TECPR1: variants seen among roughly 807,000 people sequenced by gnomAD.
TECPR1 encodes the protein tectonin beta-propeller repeat-containing protein 1.
In TECPR1, 122 loss-of-function variants were observed where a neutral mutation model predicts 162.4. That is an observed-to-expected ratio of 0.75 (90% CI 0.65 to 0.87). The LOEUF (loss-of-function observed/expected upper bound fraction) is 0.87. Ranked by LOEUF, TECPR1 falls within the 40% of genes least tolerant of loss-of-function variation. TECPR1 has a pLI of 0.00. For synonymous variants in TECPR1, 642 were observed against 670.6 expected (o/e 0.96, Z 0.66); for missense variants, 1,432 against 1,618.2 (o/e 0.88, Z 1.97).
chr7:98,233,062 C>T lies in TECPR1; in HGVS notation c.1673-90G>A, dbSNP rs958826626. The T allele has an allele frequency of 5.6e-6, 8 of 1,428,238 alleles. No homozygotes were observed. In the African/African-American group the frequency reaches 5.7e-5, roughly 10 times the overall value. The allele number at this position is 1,428,238 out of a possible 1,614,324, so 88.5% of individuals were successfully genotyped here. A position where few individuals can be genotyped will look rare whatever the true frequency, so the allele number is the denominator to read the frequency against. The stretch of plus-strand genomic sequence containing the variant: ...GGCGCTCCCCTCCACCAAATCAGCC[C>T]TTTCTAGCTCAAAAGCTACGCTCTC... On this transcript the variant is annotated intron_variant, in intron 11 of 25. Transcript: ENST00000447648.
chr7:98,219,457 G>A (rs899873700), intron 23 of TECPR1, among the ~76,000 whole-genome samples: 1 of 152,142 alleles, frequency 6.6e-6, no homozygotes, highest in Admixed American at 6.5e-5. Flanking sequence ...AAACCCACAG[G>A]ATAGGAGGAA....
At chr7:98,233,103 C>A in intron 11 of TECPR1, 131 bp from the exon 12 acceptor site, 1 of 1,150,326 alleles carries the variant, frequency 8.7e-7, no homozygotes, top group Non-Finnish European at 1.2e-6. Flanking sequence ...AGCCTCCTTC[C>A]ACCCTTTGCC....
chr7:98,226,550 T>C, intron 17 of TECPR1: 1 of 1,039,328 alleles, frequency 9.6e-7, no homozygotes, highest in Non-Finnish European at 1.2e-6. Flanking sequence ...CTAATTGCAG[T>C]TGCTGTCTTT....
rs1357954176 is a variant in TECPR1 at position 98,229,012 on chromosome 7, T to TC, written c.2410+26dup. ...TAGAGGAAAGAACGCCCAGGAAGGCTCCGGGGGGGCTGTGGGCCGCCCTCA... is the reference window on the plus strand; with the variant it reads ...TAGAGGAAAGAACGCCCAGGAAGGCTCCCGGGGGGGCTGTGGGCCGCCCTCA... On this transcript the variant is annotated intron_variant, in intron 16 of 25. Transcript: ENST00000447648. The TC allele has an allele frequency of 3.8e-6, 6 of 1,595,292 alleles. No homozygotes were observed. In the Admixed American group the frequency reaches 1.0e-4, roughly 27 times the overall value.
At position 98,216,447 on chromosome 7, in the gene TECPR1, G is replaced by C. The variant is rs1798009500; in HGVS notation, c.*943C>G. On this transcript the variant is annotated 3_prime_UTR_variant, in exon 26 of 26. Transcript: ENST00000447648. Reference sequence around the variant, plus strand: ...CACACGGACACTGCCTCCAGCCATGGGGCAGCCTCTCATCCTCTCCCAGCC... The same window carrying C: ...CACACGGACACTGCCTCCAGCCATGCGGCAGCCTCTCATCCTCTCCCAGCC... The C allele has an allele frequency of 6.6e-6, 1 of 152,278 alleles. No homozygotes were observed. Among genetic ancestry groups the C allele is most frequent in the South Asian group, 2.1e-4 (1 of 4,830 alleles). The allele number at this position is 152,278 out of a possible 1,614,324, so 9.4% of individuals were successfully genotyped here.
At chr7:98,239,336 C>T (rs1211193966) in intron 8 of TECPR1, among the ~76,000 whole-genome samples, 2 of 151,806 alleles carry the variant, frequency 1.3e-5, no homozygotes, top group Admixed American at 6.6e-5. Context: ...GGATCACCTG[C>T]GGTCAGGAGT....
intron 17 of TECPR1, among the ~76,000 whole-genome samples, chr7:98,225,747 G>A (rs1798266998): frequency 6.6e-6 from 1 of 152,008 alleles, no homozygotes; most frequent in Admixed American, 6.6e-5. Context: ...TCGAATTCCT[G>A]GGCTCAATTG....
chr7:98,216,947 G>C lies in TECPR1; in HGVS notation c.*443C>G, dbSNP rs1798025798. On this transcript the variant is annotated 3_prime_UTR_variant, in exon 26 of 26. Coordinates refer to ENST00000447648, the MANE Select transcript of TECPR1 (RefSeq NM_015395.3). ...ACTGCACATGGTAAAGAGGCCCTGA[G>C]CCCCATGGCCATCTCTCTTGGTGAG... 5.9e-6 allele frequency: 1 copy of C among 169,708 alleles called. No homozygotes were observed. Among genetic ancestry groups the C allele is most frequent in the African/African-American group, 2.4e-5 (1 of 41,864 alleles). 10.5% of individuals were successfully genotyped at this position (169,708 alleles called of 1,614,324 possible). A position where few individuals can be genotyped will look rare whatever the true frequency, so the allele number is the denominator to read the frequency against.
chr7:98,219,279 C>G (rs553939973), intron 23 of TECPR1, among the ~76,000 whole-genome samples: 2 of 152,050 alleles, frequency 1.3e-5, no homozygotes, highest in Non-Finnish European at 1.5e-5. Flanking sequence ...TAAAACCATA[C>G]AAATTCTATA....
rs375538406 is a variant in TECPR1 at position 98,231,103 on chromosome 7, G to C, written c.2140C>G (p.Leu714Val). 8 of 1,601,060 alleles carry C rather than the reference G, an allele frequency of 5.0e-6. No individual in the cohort carries two copies. In the African/African-American group the frequency reaches 9.4e-5, roughly 19 times the overall value. The change falls in exon 15 of 26, where the codon CTG becomes GTG. Residue 714 changes from leucine to valine, a missense_variant. By Grantham distance (32) the Leu-to-Val change is conservative. Transcript: ENST00000447648. ...ACCTTCCGGCTCTCGCAGCAAGACA[G>C]GCTGAGCAGGGCGAGCTGGTGTGGC... is the stretch of plus-strand genomic sequence containing the variant. ...DMNDWLALLS[L>V]SCCESRKVQG... is the part of the protein sequence containing the mutation.
intron 21 of TECPR1, 87 bp from the exon 22 acceptor site, chr7:98,222,608 G>T (rs752502895): frequency 1.8e-5 from 26 of 1,470,860 alleles, no homozygotes; most frequent in Non-Finnish European, 2.2e-5. Context: ...TGGGCCTAGC[G>T]CGTGGGCAGC....
rs892990120 is a variant in TECPR1, at chr7:98,215,352, A to C, written c.*2038T>G. 6.6e-6 allele frequency: 1 copy of C among 152,256 alleles called. No homozygotes were observed. Among genetic ancestry groups the C allele is most frequent in the African/African-American group, 2.4e-5 (1 of 41,466 alleles). The allele number at this position is 152,256 out of a possible 1,614,324, so 9.4% of individuals were successfully genotyped here. A position where few individuals can be genotyped will look rare whatever the true frequency, so the allele number is the denominator to read the frequency against. On this transcript the variant is annotated 3_prime_UTR_variant, in exon 26 of 26. Transcript: ENST00000447648. ...GCTGAAAATGTTTCTCAAATGACCCAAATTGGCTCTTATTTTTTCTAATGG... is the reference window on the plus strand; with the variant it reads ...GCTGAAAATGTTTCTCAAATGACCCCAATTGGCTCTTATTTTTTCTAATGG...
intron 15 of TECPR1, among the ~76,000 whole-genome samples, chr7:98,230,662 A>G (rs1414361388): frequency 6.6e-6 from 1 of 151,924 alleles, no homozygotes; most frequent in African/African-American, 2.4e-5. Flanking sequence ...TACAGCCTGG[A>G]AGCCCCCTGG....
chr7:98,245,894 C>T (rs758000080), intron 3 of TECPR1, 28 bp downstream of exon 3: 10 of 1,563,674 alleles, frequency 6.4e-6, no homozygotes, highest in Non-Finnish European at 7.8e-6. Context: ...CTGACCCGCT[C>T]GGCAACTCCA....
At chr7:98,238,686 A>C in intron 8 of TECPR1, 76 bp from the exon 9 acceptor site, 1 of 1,176,030 alleles carries the variant, frequency 8.5e-7, no homozygotes, top group Middle Eastern at 1.9e-4. Context: ...AGCCTCAGGG[A>C]GAACAAGTGA....
At chr7:98,244,818 A>T in intron 4 of TECPR1, 67 bp downstream of exon 4, 1 of 1,598,218 alleles carries the variant, frequency 6.3e-7, no homozygotes, top group Non-Finnish European at 8.5e-7. Context: ...CAGGGGACAG[A>T]AGCAGGGACA....
Position 98,232,004 on chromosome 7 carries a change from G to T in TECPR1, c.1819-45C>A. 1 of 1,556,818 alleles carries T rather than the reference G, an allele frequency of 6.4e-7. No homozygotes were observed. The highest frequency in any genetic ancestry group is 8.7e-7 in the Non-Finnish European group (1 of 1,153,706). ...GGACACCATCACAGGCAGGCCCGGG[G>T]TGCCAGGGGAGGAGGGCGGGGCTGG... On this transcript the variant is annotated intron_variant, in intron 12 of 25. Transcript: ENST00000447648. This position sits in a 1 kb window ranked among gnomAD's most constrained non-coding sequence, Gnocchi z 4.6.
Position 98,231,298 on chromosome 7 carries a change from A to G in TECPR1, c.2050T>C (p.Tyr684His), listed in dbSNP as rs201282999. Residue 684 changes from tyrosine to histidine, a missense_variant, in exon 14 of 26, where the codon TAC becomes CAC. Physicochemically the swap from Tyr to His is moderately conservative, Grantham distance 83. Transcript: ENST00000447648. Reference sequence around the variant, plus strand: ...CTCTGCCGTGTCCGCTCAGGGGTGTACAGGGCAAAGGAGTGCTTGGTCTCG... The same window carrying G: ...CTCTGCCGTGTCCGCTCAGGGGTGTGCAGGGCAAAGGAGTGCTTGGTCTCG... ...LNETKHSFAL[Y>H]TPERTRQRWP... The G allele has an allele frequency of 7.1e-5, 115 of 1,612,656 alleles. No homozygotes were observed. The highest frequency in any genetic ancestry group is 8.9e-5 in the Non-Finnish European group (105 of 1,179,518).
intron 2 of TECPR1, among the ~76,000 whole-genome samples, chr7:98,250,279 G>C (rs1243279631): frequency 6.6e-6 from 1 of 151,896 alleles, no homozygotes; most frequent in Non-Finnish European, 1.5e-5. Flanking sequence ...GGAAGACGAA[G>C]GTTTTTTTTT....
Sources: allele counts gnomAD v4.1 joint callset (sites outside exome capture counted in the v4.1 genomes callset), GRCh38; gene constraint gnomAD v4.1.1; non-coding constraint Gnocchi (gnomAD v3.1); transcripts MANE v1.5; gene names NCBI Gene and HGNC (gene_info 2026-07-23, HGNC 2026-07-21).